CDH20: variants seen among roughly 807,000 people sequenced by gnomAD.
CDH20 encodes cadherin-20.
Under a neutral mutation model 74.2 loss-of-function variants are expected in CDH20, and 29 were observed. The ratio of observed to expected loss-of-function variants is 0.39; its 90% CI spans 0.29 to 0.53. CDH20 has a LOEUF of 0.53. Among genes scored for constraint, CDH20 ranks in the 20% least tolerant of loss-of-function variants. The pLI, the probability that CDH20 is intolerant of heterozygous loss-of-function variation, is 0.69. For synonymous variants in CDH20, 469 were observed against 405.4 expected (o/e 1.16, Z -1.88); for missense variants, 988 against 1,048.3 (o/e 0.94, Z 0.79).
At chr18:61,417,856 C>A (rs72991849) in intron 1 of CDH20, among the ~76,000 whole-genome samples, 11,568 of 152,170 alleles carry the variant, frequency 0.076, 579 homozygotes, top group East Asian at 0.12. Context: ...GAGGTGATGG[C>A]TACCTCAGTT....
rs1913038169 is a variant in CDH20 at position 61,541,508 on chromosome 18, T to C, written c.1530+2363T>C. On this transcript the variant is annotated intron_variant, in intron 9 of 11. Transcript: ENST00000262717. The stretch of plus-strand genomic sequence containing the variant: ...TCCTGTTTTTGTAATCAAACAAACA[T>C]AGTCCCCATTTCTAAATGCATCTTT... Among the ~76,000 whole-genome samples, 5 of 152,256 alleles carry C rather than the reference T, an allele frequency of 3.3e-5. No homozygotes were observed. The South Asian group carries it at 1.0e-3, about 32-fold the overall frequency.
intron 1 of CDH20, among the ~76,000 whole-genome samples, chr18:61,432,976 T>C (rs904749998): frequency 1.3e-5 from 2 of 152,114 alleles, no homozygotes; most frequent in Non-Finnish European, 2.9e-5. Flanking sequence ...CACATACAGA[T>C]AGCAATTAAC....
chr18:61,396,162 C>T (rs1911970402), intron 1 of CDH20, among the ~76,000 whole-genome samples: 1 of 151,952 alleles, frequency 6.6e-6, no homozygotes, highest in Non-Finnish European at 1.5e-5. Context: ...ACCTTAATAG[C>T]TATTTCTTAG....
chr18:61,510,392 T>C (rs1027315926), intron 6 of CDH20, among the ~76,000 whole-genome samples: 1 of 152,154 alleles, frequency 6.6e-6, no homozygotes, highest in Non-Finnish European at 1.5e-5. Context: ...CTGCTACAGG[T>C]CAAATAAGAA....
At chr18:61,479,233 T>C (rs1161063817) in intron 1 of CDH20, among the ~76,000 whole-genome samples, 5 of 152,064 alleles carry the variant, frequency 3.3e-5, no homozygotes, top group Admixed American at 1.3e-4. Context: ...AAACCCAAGA[T>C]GGCTCTGAAA....
intron 1 of CDH20, among the ~76,000 whole-genome samples, chr18:61,385,280 C>G (rs1911556690): frequency 6.6e-6 from 1 of 152,000 alleles, no homozygotes. Flanking sequence ...TCAGTAAGCT[C>G]TTGTTAACGC....
chr18:61,519,948 CAAAAAA>C (rs35503974), intron 6 of CDH20, among the ~76,000 whole-genome samples: 2 of 127,922 alleles, frequency 1.6e-5, no homozygotes, highest in African/African-American at 3.0e-5. Flanking sequence ...AAATGGAAAG[CAAAAAA>C]AAAAAAAAAA....
chr18:61,444,103 T>A (rs1228250871), intron 1 of CDH20, among the ~76,000 whole-genome samples: 2 of 152,166 alleles, frequency 1.3e-5, no homozygotes, highest in Admixed American at 1.3e-4. Context: ...GCATGTCTTG[T>A]ACATTCTTAA....
Position 61,550,130 on chromosome 18 carries a change from G to C in CDH20, c.1801G>C (p.Gly601Arg). ...TIQVCSCDDD[G>R]HVMSCSPEAY... ...CCAAGTGTGCAGCTGTGATGACGAC[G>C]GCCACGTCATGTCCTGCAGCCCAGA... Residue 601 changes from glycine to arginine, a missense_variant, in exon 11 of 12, where the codon GGC becomes CGC. Gly to Arg is a moderately radical substitution (Grantham distance 125, BLOSUM62 -2). Around this residue, in one of 2 missense-constraint regions of CDH20, gnomAD observed 375 missense variants for 293.1 expected, o/e 1.28. Coordinates refer to ENST00000262717, the MANE Select transcript of CDH20 (RefSeq NM_031891.4). 1 of 1,614,200 alleles carries C rather than the reference G, an allele frequency of 6.2e-7. No homozygotes were observed. The highest frequency in any genetic ancestry group is 8.5e-7 in the Non-Finnish European group (1 of 1,180,036).
intron 1 of CDH20, among the ~76,000 whole-genome samples, chr18:61,474,458 C>T (rs1910296710): frequency 1.3e-5 from 2 of 152,124 alleles, no homozygotes; most frequent in Non-Finnish European, 2.9e-5. Flanking sequence ...AGTTTCAAGC[C>T]GTCCTCATTC....
intron 6 of CDH20, among the ~76,000 whole-genome samples, chr18:61,516,014 A>G (rs1263513443): frequency 6.6e-6 from 1 of 151,954 alleles, no homozygotes; most frequent in Non-Finnish European, 1.5e-5. Flanking sequence ...CCTAAAGTAC[A>G]ACATGGACAG....
At chr18:61,507,857 CTTTCTAATGATGTT>C (rs1911630843) in intron 6 of CDH20, among the ~76,000 whole-genome samples, 2 of 152,130 alleles carry the variant, frequency 1.3e-5, no homozygotes, top group South Asian at 4.1e-4. Flanking sequence ...TGTAGCTTAA[CTTTCTAATGATGTT>C]AATGACTTGA....
intron 11 of CDH20, among the ~76,000 whole-genome samples, chr18:61,551,533 G>T (rs1277481791): frequency 6.6e-6 from 1 of 152,118 alleles, no homozygotes; most frequent in Non-Finnish European, 1.5e-5. Flanking sequence ...TACAACATGT[G>T]GTTTAATTTT....
At chr18:61,374,344 T>G (rs1004914977) in intron 1 of CDH20, among the ~76,000 whole-genome samples, 5 of 152,076 alleles carry the variant, frequency 3.3e-5, no homozygotes, top group African/African-American at 1.2e-4. Context: ...GAGGGGAAAT[T>G]TCTGTAACTC....
At chr18:61,491,801 A>G (rs1262420400) in intron 2 of CDH20, among the ~76,000 whole-genome samples, 2 of 151,962 alleles carry the variant, frequency 1.3e-5, no homozygotes, top group Admixed American at 6.6e-5. Context: ...TCCCAGTCAC[A>G]ACCTCAGACA....
intron 1 of CDH20, among the ~76,000 whole-genome samples, chr18:61,438,354 G>C (rs917014097): frequency 3.8e-5 from 5 of 130,000 alleles, no homozygotes; most frequent in Non-Finnish European, 8.1e-5. Flanking sequence ...AGAGGAGGTG[G>C]AGAAGGGTTC....
Position 61,437,081 on chromosome 18 carries a change from G to A in CDH20, c.-152-53321G>A, listed in dbSNP as rs960956285. Among the ~76,000 whole-genome samples, 3 of 152,196 alleles carry A rather than the reference G, an allele frequency of 2.0e-5. No homozygotes were observed. In the South Asian group the frequency reaches 6.2e-4, roughly 31 times the overall value. Reference sequence around the variant, plus strand: ...TGGTTGAATGAATGTACTTAGCACAGTGTCCTGCACTTGGTAATTGTTCAA... The same window carrying A: ...TGGTTGAATGAATGTACTTAGCACAATGTCCTGCACTTGGTAATTGTTCAA... On this transcript the variant is annotated intron_variant, in intron 1 of 11. Transcript: ENST00000262717.
chr18:61,523,512 G>A (rs1158576961), intron 6 of CDH20, among the ~76,000 whole-genome samples: 1 of 152,168 alleles, frequency 6.6e-6, no homozygotes, highest in East Asian at 1.9e-4. Flanking sequence ...ACAATGTGGT[G>A]ATTCCTCAAG....
chr18:61,428,464 C>CTA (rs1913146719), intron 1 of CDH20, among the ~76,000 whole-genome samples: 1 of 152,132 alleles, frequency 6.6e-6, no homozygotes, highest in African/African-American at 2.4e-5. Flanking sequence ...AGTGCAAAAG[C>CTA]GGTAGCACAG....
Sources: gnomAD v4.1 joint callset for allele counts (sites outside exome capture counted in the v4.1 genomes callset) on GRCh38, gnomAD v4.1.1 for gene constraint, gnomAD v4.1.1 regional missense constraint, MANE v1.5 for transcripts, NCBI Gene and HGNC (gene_info 2026-07-23, HGNC 2026-07-21) for gene names.